TRHDE: variants seen among roughly 807,000 people sequenced by gnomAD.
The protein encoded by TRHDE is thyrotropin releasing hormone degrading enzyme, also known as thyrotropin-releasing hormone-degrading ectoenzyme.
In TRHDE, 72 loss-of-function variants were observed where a neutral mutation model predicts 125.7. That is an observed-to-expected ratio of 0.57 (90% CI 0.47 to 0.70). The LOEUF (loss-of-function observed/expected upper bound fraction) is 0.70, where lower values mean the gene tolerates loss of function less well. Ranked by LOEUF, TRHDE falls within the 30% of genes least tolerant of loss-of-function variation. TRHDE has a pLI of 0.00. For missense variants in TRHDE, 1,110 were observed against 1,327.1 expected (o/e 0.84, Z 2.54); for synonymous variants, 509 against 509.1 (o/e 1.00, Z 0.00).
chr12:72,259,112 T>C (rs910168800), intron 2 of TRHDE, among the ~76,000 whole-genome samples: 1 of 152,204 alleles, frequency 6.6e-6, no homozygotes, highest in Non-Finnish European at 1.5e-5. Flanking sequence ...TTAGTATTTA[T>C]TGATGTCTTG....
chr12:72,461,406 A>G (rs1876118457), intron 3 of TRHDE, among the ~76,000 whole-genome samples: 1 of 152,282 alleles, frequency 6.6e-6, no homozygotes, highest in Non-Finnish European at 1.5e-5. Flanking sequence ...AAAGGAAGAA[A>G]AAGAATGGTA....
chr12:72,608,671 A>AATG (rs1486353474), intron 12 of TRHDE, among the ~76,000 whole-genome samples: 1 of 152,208 alleles, frequency 6.6e-6, no homozygotes, highest in African/African-American at 2.4e-5. Flanking sequence ...CCTCCATTTT[A>AATG]ATGTCAGCCA....
chr12:72,126,526 A>G (rs749784078), intron 2 of TRHDE, among the ~76,000 whole-genome samples: 1 of 152,166 alleles, frequency 6.6e-6, no homozygotes, highest in African/African-American at 2.4e-5. Context: ...CTGGAACAGA[A>G]TAGAGAATGC....
At chr12:72,093,496 C>CT (rs1874839516) in intron 1 of TRHDE, among the ~76,000 whole-genome samples, 1 of 152,068 alleles carries the variant, frequency 6.6e-6, no homozygotes, top group African/African-American at 2.4e-5. Context: ...GGTCCCTAAA[C>CT]TTTTTTACTC....
chr12:72,144,297 C>T (rs184306403), intron 2 of TRHDE, among the ~76,000 whole-genome samples: 109 of 152,340 alleles, frequency 7.2e-4, no homozygotes, highest in Admixed American at 1.6e-3. Flanking sequence ...TGCAATCCAC[C>T]CATCCTTTAA....
chr12:72,619,124 A>G (rs1872942716), intron 13 of TRHDE, 86 bp downstream of exon 13: 14 of 1,030,666 alleles, frequency 1.4e-5, no homozygotes, highest in Non-Finnish European at 1.8e-5. Flanking sequence ...ACTGATGCCA[A>G]GTTATTTTAG....
intron 2 of TRHDE, among the ~76,000 whole-genome samples, chr12:72,361,047 T>A (rs761950013): frequency 6.6e-5 from 10 of 151,866 alleles, no homozygotes; most frequent in Non-Finnish European, 1.5e-4. Flanking sequence ...TTCTCATTGT[T>A]CGGCTCCCAC....
At position 72,491,643 on chromosome 12, in the gene TRHDE, T is replaced by C. The variant is rs1328417647; in HGVS notation, c.1585-7855T>C. Among the ~76,000 whole-genome samples, 4 of 151,946 alleles carry C rather than the reference T, an allele frequency of 2.6e-5. No homozygotes were observed. The East Asian group carries it at 5.8e-4, about 22-fold the overall frequency. On this transcript the variant is annotated intron_variant, in intron 5 of 18. Transcript: ENST00000261180. Reference sequence around the variant, plus strand: ...GGAACAGACCCACAATTTAACCCACTTTCTCTGTGTTCATCATGTCCGAGA... The same window carrying C: ...GGAACAGACCCACAATTTAACCCACCTTCTCTGTGTTCATCATGTCCGAGA...
chr12:72,618,495 C>T (rs1159364803), intron 12 of TRHDE, among the ~76,000 whole-genome samples: 1 of 152,024 alleles, frequency 6.6e-6, no homozygotes, highest in Non-Finnish European at 1.5e-5. Context: ...TATCATTACC[C>T]TGAGCTAAAT....
intron 6 of TRHDE, among the ~76,000 whole-genome samples, chr12:72,517,368 C>G (rs1311908062): frequency 6.6e-6 from 1 of 152,056 alleles, no homozygotes; most frequent in Non-Finnish European, 1.5e-5. Context: ...CTGGTTTAGT[C>G]TTGGGAGAGT....
chr12:72,384,833 C>A (rs1052654600), intron 3 of TRHDE, among the ~76,000 whole-genome samples: 1 of 151,956 alleles, frequency 6.6e-6, no homozygotes, highest in Admixed American at 6.6e-5. Context: ...TGATAATTTA[C>A]TACTTGCAAA....
At chr12:72,617,131 G>GCAAATACAAAAAT (rs1260498110) in intron 12 of TRHDE, among the ~76,000 whole-genome samples, 1 of 151,966 alleles carries the variant, frequency 6.6e-6, no homozygotes, top group African/African-American at 2.4e-5. Context: ...TGTATAAAAT[G>GCAAATACAAAAAT]GAATTTGCAC....
chr12:72,507,299 C>G (rs1456630045), intron 6 of TRHDE, among the ~76,000 whole-genome samples: 1 of 152,100 alleles, frequency 6.6e-6, no homozygotes, highest in African/African-American at 2.4e-5. Context: ...GGATAATGGG[C>G]AGAGGTTGAA....
intron 12 of TRHDE, among the ~76,000 whole-genome samples, chr12:72,597,152 T>G (rs1871974821): frequency 6.6e-6 from 1 of 152,174 alleles, no homozygotes; most frequent in Non-Finnish European, 1.5e-5. Context: ...AAGCTGTCAC[T>G]CTGGAGAACA....
chr12:72,405,062 T>C (rs1873208554), intron 3 of TRHDE, among the ~76,000 whole-genome samples: 1 of 152,222 alleles, frequency 6.6e-6, no homozygotes, highest in African/African-American at 2.4e-5. Context: ...TAATGATTAT[T>C]TCTTGAGTGC....
intron 2 of TRHDE, among the ~76,000 whole-genome samples, chr12:72,125,803 T>C (rs74103610): frequency 1.1e-3 from 168 of 152,242 alleles, no homozygotes; most frequent in African/African-American, 3.4e-3. Flanking sequence ...CCCTGAAAGA[T>C]GGGGAAAAAA....
Position 72,244,419 on chromosome 12 carries a change from T to G in TRHDE, n.280-133576T>G, listed in dbSNP as rs183131919. ...CATTCTTTTGGCTATTAATTTCCAC[T>G]GGCCCCTCAATGTAGATAAAAATAA... On this transcript the variant is annotated intron_variant and non_coding_transcript_variant, in intron 2 of 4. Transcript: ENST00000548156. Among the ~76,000 whole-genome samples the G allele has an allele frequency of 1.2e-3, 180 of 152,280 alleles. 2 individuals carry two copies. Among genetic ancestry groups the G allele is most frequent in the South Asian group, 5.6e-3 (27 of 4,832 alleles).
intron 2 of TRHDE, among the ~76,000 whole-genome samples, chr12:72,108,838 T>A (rs745613208): frequency 1.3e-5 from 2 of 151,870 alleles, no homozygotes; most frequent in Admixed American, 6.6e-5. Context: ...ACACGAATGG[T>A]CTTAGACTTT....
At chr12:72,329,138 G>C (rs1453749262) in intron 2 of TRHDE, among the ~76,000 whole-genome samples, 1 of 152,160 alleles carries the variant, frequency 6.6e-6, no homozygotes, top group Non-Finnish European at 1.5e-5. Flanking sequence ...CCAGCTCACA[G>C]TTGGCTGGTT....
Sources: allele counts gnomAD v4.1 joint callset (sites outside exome capture counted in the v4.1 genomes callset), GRCh38; gene constraint gnomAD v4.1.1; transcripts MANE v1.5; gene names NCBI Gene and HGNC (gene_info 2026-07-23, HGNC 2026-07-21).